DHCR24: variants seen among roughly 807,000 people sequenced by gnomAD.
The protein encoded by DHCR24 is 24-dehydrocholesterol reductase.
Under a neutral mutation model 61.2 loss-of-function variants are expected in DHCR24, and 28 were observed. The observed-to-expected ratio is 0.46, with a 90% confidence interval of 0.34 to 0.63. The LOEUF is 0.63. DHCR24 is among the 20% of genes least tolerant of loss of function. DHCR24 has a pLI of 0.01. For missense variants in DHCR24, 538 were observed against 679.1 expected (o/e 0.79, Z 2.31); for synonymous variants, 261 against 275.9 (o/e 0.95, Z 0.54).
intron 6 of DHCR24, among the ~76,000 whole-genome samples, chr1:54,856,169 C>T (rs1414787765): frequency 6.6e-6 from 1 of 152,326 alleles, no homozygotes; most frequent in African/African-American, 2.4e-5. Context: ...TCCACAAATT[C>T]GGCCCACCCT....
chr1:54,853,753 G>GC, intron 7 of DHCR24, 141 bp from the exon 8 acceptor site: 6 of 1,005,032 alleles, frequency 6.0e-6, no homozygotes, highest in Non-Finnish European at 8.9e-6. Flanking sequence ...TCACTGCCCC[G>GC]CCCCCCAGCC....
chr1:54,865,006 G>A (rs989222998), intron 6 of DHCR24, among the ~76,000 whole-genome samples: 2 of 152,140 alleles, frequency 1.3e-5, no homozygotes, highest in Admixed American at 6.5e-5. Flanking sequence ...TGCTCACCGT[G>A]GCTAGAGGCT....
chr1:54,878,773 C>T (rs1312616398), intron 2 of DHCR24, among the ~76,000 whole-genome samples: 4 of 152,018 alleles, frequency 2.6e-5, no homozygotes, highest in African/African-American at 4.8e-5. Context: ...GAGCAAAACT[C>T]AAAATTTATA....
intron 6 of DHCR24, 134 bp from the exon 7 acceptor site, chr1:54,854,368 G>T: frequency 2.7e-6 from 2 of 738,446 alleles, no homozygotes; most frequent in East Asian, 2.7e-5. Context: ...CCTCTTTGGA[G>T]GGGGTGTGAT....
chr1:54,871,750 A>C, intron 4 of DHCR24, 137 bp from the exon 5 acceptor site: 11 of 1,263,912 alleles, frequency 8.7e-6, no homozygotes, highest in Non-Finnish European at 1.1e-5. Flanking sequence ...GAGCTTTACA[A>C]ACTGTGCTTG....
chr1:54,875,351 C>T (rs1647021221), intron 3 of DHCR24, 140 bp from the exon 4 acceptor site: 2 of 761,782 alleles, frequency 2.6e-6, no homozygotes, highest in Non-Finnish European at 2.4e-6. Context: ...GGGGAGATTT[C>T]CCACCTGTCA....
intron 4 of DHCR24, among the ~76,000 whole-genome samples, chr1:54,872,129 T>A (rs990302769): frequency 6.6e-6 from 1 of 152,048 alleles, no homozygotes; most frequent in Non-Finnish European, 1.5e-5. Flanking sequence ...TAGCACCCCC[T>A]TATGACAAGT....
In DHCR24 at chr1:54,876,323, C is replaced by T. The variant is rs761984586; in HGVS notation, c.388-276G>A. ...AAATTACAGGAGAAATACTCATTCA[C>T]TTAGAAGATACAGCAAAAGTGAAGA... On this transcript the variant is annotated intron_variant, in intron 2 of 8. Transcript: ENST00000371269. Among the ~76,000 whole-genome samples the T allele has an allele frequency of 3.8e-4, 58 of 152,160 alleles. 1 individual carries two copies. The Middle Eastern group carries it at 0.014, about 36-fold the overall frequency.
At chr1:54,858,309 A>G (rs1162350126) in intron 6 of DHCR24, among the ~76,000 whole-genome samples, 1 of 152,206 alleles carries the variant, frequency 6.6e-6, no homozygotes, top group Non-Finnish European at 1.5e-5. Flanking sequence ...CCACTGGCCT[A>G]AAGGTGACAC....
Position 54,871,449 on chromosome 1 carries a change from G to C in DHCR24, c.777C>G (p.Ser259=). 1.2e-6 allele frequency: 2 copies of C among 1,614,172 alleles called. No homozygotes were observed. The highest frequency in any genetic ancestry group is 1.7e-6 in the Non-Finnish European group (2 of 1,180,020). ...CCACGAAGTGGTTCTCCTGCCGCTG[G>C]GACTCGTGGGTGAACTTGGCACAGA... ...EAICAKFTHE[S]QRQENHFVEG... is the part of the protein sequence containing the mutation. The change falls in exon 5 of 9, where the codon TCC becomes TCG. Residue 259 remains serine, a synonymous_variant. Transcript: ENST00000371269.
chr1:54,864,600 T>C (rs1646957157), intron 6 of DHCR24, among the ~76,000 whole-genome samples: 1 of 152,218 alleles, frequency 6.6e-6, no homozygotes, highest in African/African-American at 2.4e-5. Context: ...TGTTTGGAAC[T>C]ACACAGAGGT....
chr1:54,870,406 A>G lies in DHCR24; in HGVS notation c.876+944T>C, dbSNP rs536649352. 2.4e-4 allele frequency among the ~76,000 whole-genome samples: 37 copies of G among 152,334 alleles called. 1 individual carries two copies. The highest frequency in any genetic ancestry group is 8.7e-4 in the African/African-American group (36 of 41,570). On this transcript the variant is annotated intron_variant, in intron 5 of 8. Coordinates refer to ENST00000371269, the MANE Select transcript of DHCR24 (RefSeq NM_014762.4). ...ACTTTCAAAAAAATCCATACAGAGA[A>G]AGAGGAAATAAATACAGTTGTCTCT...
chr1:54,851,955 C>T lies in DHCR24; in HGVS notation c.*278G>A, dbSNP rs772933580. The stretch of plus-strand genomic sequence containing the variant: ...ATCCCTTTCAACTAATGAAGAGACC[C>T]GGGCTCAGAGGGGTTAAGGGACTCA... On this transcript the variant is annotated 3_prime_UTR_variant, in exon 9 of 9. Coordinates refer to ENST00000371269, the MANE Select transcript of DHCR24 (RefSeq NM_014762.4). 44 of 505,752 alleles carry T rather than the reference C, an allele frequency of 8.7e-5. No homozygotes were observed. The highest frequency in any genetic ancestry group is 5.6e-4 in the Middle Eastern group (1 of 1,798). 31.3% of individuals were successfully genotyped at this position (505,752 alleles called of 1,614,324 possible). A position where few individuals can be genotyped will look rare whatever the true frequency, so the allele number is the denominator to read the frequency against.
Position 54,852,379 on chromosome 1 carries a change from T to C in DHCR24, c.1405A>G (p.Met469Val). 1 of 1,614,022 alleles carries C rather than the reference T, an allele frequency of 6.2e-7. No homozygotes were observed. Among genetic ancestry groups the C allele is most frequent in the South Asian group, 1.1e-5 (1 of 91,080 alleles). Residue 469 changes from methionine to valine, a missense_variant, in exon 9 of 9, where the codon ATG (methionine) becomes GTG (valine). Met to Val is a conservative substitution (Grantham distance 21). Transcript: ENST00000371269. ...KFVRSVHGFQMLYADCYMNRE... is the reference protein window; with the variant it reads ...KFVRSVHGFQVLYADCYMNRE... ...TTCATGTAGCAGTCGGCATACAGCA[T>C]CTGGAAGCTGCAGAGGCAGAGAAGT...
At chr1:54,878,868 C>T (rs1034892896) in intron 2 of DHCR24, among the ~76,000 whole-genome samples, 2 of 152,118 alleles carry the variant, frequency 1.3e-5, no homozygotes, top group Non-Finnish European at 2.9e-5. Context: ...ACCAGGCATA[C>T]AGAGGCAGAA....
chr1:54,854,091 C>T lies in DHCR24; in HGVS notation c.1164G>A (p.Leu388=), dbSNP rs746164180. 31 of 1,613,904 alleles carry T rather than the reference C, an allele frequency of 1.9e-5. No homozygotes were observed. Among genetic ancestry groups the T allele is most frequent in the Non-Finnish European group, 2.5e-5 (30 of 1,179,926 alleles). The change falls in exon 7 of 9, where the codon CTG becomes CTA. Residue 388 remains leucine (L), a synonymous_variant. Coordinates refer to ENST00000371269, the MANE Select transcript of DHCR24 (RefSeq NM_014762.4). ...YEQHHVVQDM[L]VPMKCLQQAL... is the part of the protein sequence containing the mutation. The stretch of plus-strand genomic sequence containing the variant: ...CCTGCTGCAGGCACTTCATGGGCAC[C>T]AGCATGTCCTGCACCACGTGGTGCT...
At position 54,875,085 on chromosome 1, in the gene DHCR24, G is replaced by A. The variant is rs989832817; in HGVS notation, c.612+8C>T. The A allele has an allele frequency of 1.9e-6, 3 of 1,612,492 alleles. No individual in the cohort carries two copies. Among genetic ancestry groups the A allele is most frequent in the Non-Finnish European group, 2.5e-6 (3 of 1,178,576 alleles). ...GCTGGCATGGACATCTCCCATTGCT[G>A]AACTCACCGGAGTGCATCGCACAAA... On this transcript the variant is annotated splice_region_variant and intron_variant, in intron 4 of 8. Coordinates refer to ENST00000371269, the MANE Select transcript of DHCR24 (RefSeq NM_014762.4).
chr1:54,873,705 A>G (rs1251404799), intron 4 of DHCR24, among the ~76,000 whole-genome samples: 2 of 152,222 alleles, frequency 1.3e-5, no homozygotes, highest in African/African-American at 2.4e-5. Context: ...GCTAGAGTGC[A>G]GTGGCGTAAT....
intron 4 of DHCR24, among the ~76,000 whole-genome samples, chr1:54,872,078 G>A (rs951851430): frequency 1.3e-5 from 2 of 152,090 alleles, no homozygotes; most frequent in African/African-American, 2.4e-5. Flanking sequence ...CCAGTCCATC[G>A]GCTTGTGGGA....
Sources: gnomAD v4.1 joint callset for allele counts (sites outside exome capture counted in the v4.1 genomes callset) on GRCh38, gnomAD v4.1.1 for gene constraint, MANE v1.5 for transcripts, NCBI Gene and HGNC (gene_info 2026-07-23, HGNC 2026-07-21) for gene names.